Variants in RBM47 observed in about 807,000 individuals in gnomAD.
RBM47 encodes the protein RNA-binding protein 47.
Under a neutral mutation model 47.1 loss-of-function variants are expected in RBM47, and 21 were observed. The observed-to-expected ratio is 0.45, with a 90% CI of 0.32 to 0.64. The LOEUF (loss-of-function observed/expected upper bound fraction) is 0.64, where lower values mean the gene tolerates loss of function less well. Ranked by LOEUF, RBM47 falls within the 30% of genes least tolerant of loss-of-function variation. RBM47 has a pLI of 0.05. For missense variants in RBM47, 708 were observed against 870.9 expected, an observed-to-expected ratio of 0.81 and a Z score of 2.35; for synonymous variants, 375 against 361.7, an observed-to-expected ratio of 1.04 and a Z score of -0.42.
chr4:40,552,032 T>C (rs1729611435), intron 1 of RBM47, among the ~76,000 whole-genome samples: 1 of 152,144 alleles, frequency 6.6e-6, no homozygotes, highest in African/African-American at 2.4e-5. Flanking sequence ...TTTTCTCTTC[T>C]AGAGAGCAAT....
intron 6 of RBM47, among the ~76,000 whole-genome samples, chr4:40,428,021 T>C (rs1017100825): frequency 6.6e-6 from 1 of 152,078 alleles, no homozygotes; most frequent in African/African-American, 2.4e-5. Context: ...CGAAACCTTG[T>C]CTCTGCAAAA....
chr4:40,552,882 C>G (rs764652411), intron 1 of RBM47, among the ~76,000 whole-genome samples: 34 of 152,242 alleles, frequency 2.2e-4, no homozygotes, highest in Non-Finnish European at 2.9e-4. Flanking sequence ...ACACCACCCC[C>G]CATCCTAGCT....
In RBM47 at chr4:40,438,605, T is replaced by C. The variant is rs776407058; in HGVS notation, c.289A>G (p.Ile97Val). 4 of 1,613,738 alleles carry C rather than the reference T, an allele frequency of 2.5e-6. No homozygotes were observed. The highest frequency in any genetic ancestry group is 1.1e-5 in the South Asian group (1 of 91,092). ...LVPVFEAVGR[I>V]YELRLMMDFD... Reference sequence around the variant, plus strand: ...TCCATCATGAGGCGCAGCTCGTAGATGCGGCCCACGGCCTCGAACACGGGC... The same window carrying C: ...TCCATCATGAGGCGCAGCTCGTAGACGCGGCCCACGGCCTCGAACACGGGC... The change falls in exon 4 of 7, where the codon ATC becomes GTC. Residue 97 changes from isoleucine (I) to valine (V), a missense_variant. By Grantham distance (29) the Ile-to-Val change is conservative. Coordinates refer to ENST00000295971, the MANE Select transcript of RBM47 (RefSeq NM_001098634.2).
intron 1 of RBM47, among the ~76,000 whole-genome samples, chr4:40,604,103 TAACC>T (rs1735520138): frequency 6.6e-6 from 1 of 152,218 alleles, no homozygotes; most frequent in Non-Finnish European, 1.5e-5. Context: ...CCTTTGGCCC[TAACC>T]AACCATTTAT....
chr4:40,481,322 G>A (rs1720355439), intron 2 of RBM47, among the ~76,000 whole-genome samples: 2 of 148,992 alleles, frequency 1.3e-5, no homozygotes, highest in South Asian at 2.1e-4. Context: ...ACCCAGGCTG[G>A]AGTGCAGCGG....
At chr4:40,520,555 T>G (rs1577872643) in intron 2 of RBM47, among the ~76,000 whole-genome samples, 1 of 152,212 alleles carries the variant, frequency 6.6e-6, no homozygotes, top group East Asian at 1.9e-4. Flanking sequence ...CTGAAAGGGG[T>G]TTTGAGCTCC....
Position 40,438,342 on chromosome 4 carries a change from G to C in RBM47, c.552C>G (p.Tyr184Ter). 1 of 1,610,668 alleles carries C rather than the reference G, an allele frequency of 6.2e-7. No individual in the cohort carries two copies. The highest frequency in any genetic ancestry group is 2.2e-5 in the East Asian group (1 of 44,876). Residue 184 changes from tyrosine (Y) to a stop codon, truncating the protein, a stop_gained, in exon 4 of 7, where the codon TAC becomes TAG. Transcript: ENST00000295971. LOFTEE classifies it high-confidence loss of function. The stretch of plus-strand genomic sequence containing the variant: ...TCTTCATCTTGTCGGCCGCGCTGGC[G>C]TAGACGATCACGTCCAGCACGCCCT... ...VTEGVLDVIV[Y>*]ASAADKMKNR...
At chr4:40,432,919 T>C in intron 5 of RBM47, 57 bp from the exon 6 acceptor site, 2 of 1,570,982 alleles carry the variant, frequency 1.3e-6, no homozygotes, top group Non-Finnish European at 1.7e-6. Context: ...CTGAGTGGGG[T>C]CCAGCACTTG....
intron 1 of RBM47, among the ~76,000 whole-genome samples, chr4:40,545,348 G>T (rs978090108): frequency 6.8e-6 from 1 of 146,470 alleles, no homozygotes; most frequent in Admixed American, 6.8e-5. Context: ...ACGGCGCCCG[G>T]CCTGAGATCC....
At chr4:40,630,701 T>A (rs575757006), upstream of RBM47, 1 of 152,296 alleles carries the variant, frequency 6.6e-6, no homozygotes, top group African/African-American at 2.4e-5. Context: ...TCTGGGGAGT[T>A]GGCTCGAACC....
chr4:40,454,594 T>A (rs1715948325), intron 3 of RBM47, among the ~76,000 whole-genome samples: 1 of 152,066 alleles, frequency 6.6e-6, no homozygotes, highest in African/African-American at 2.4e-5. Flanking sequence ...GCCTCCTGGG[T>A]TCAAGCGAAT....
intron 1 of RBM47, among the ~76,000 whole-genome samples, chr4:40,557,560 C>A (rs924226227): frequency 1.2e-4 from 18 of 152,052 alleles, no homozygotes; most frequent in Non-Finnish European, 2.2e-4. Flanking sequence ...ACCAGCCTGG[C>A]CAACATGGTG....
chr4:40,614,919 A>C (rs1184180948), intron 1 of RBM47, among the ~76,000 whole-genome samples: 1 of 152,110 alleles, frequency 6.6e-6, no homozygotes, highest in Admixed American at 6.6e-5. Context: ...TACACATGTC[A>C]AATGAGGATA....
chr4:40,601,432 TG>T (rs1168433832), intron 1 of RBM47, among the ~76,000 whole-genome samples: 1 of 152,186 alleles, frequency 6.6e-6, no homozygotes, highest in Non-Finnish European at 1.5e-5. Flanking sequence ...AAAAACATGC[TG>T]GATCATTCCA....
At chr4:40,460,530 C>T (rs1044299554) in intron 3 of RBM47, among the ~76,000 whole-genome samples, 2 of 152,180 alleles carry the variant, frequency 1.3e-5, no homozygotes, top group Non-Finnish European at 2.9e-5. Context: ...TGGGAATAGA[C>T]CGGGTGTGGT....
chr4:40,538,571 C>T (rs771124383), intron 2 of RBM47, among the ~76,000 whole-genome samples: 2 of 151,786 alleles, frequency 1.3e-5, no homozygotes, highest in Non-Finnish European at 2.9e-5. Context: ...GTGATCTGCC[C>T]GCCTTGGCCT....
At chr4:40,611,884 T>TTA (rs1045055856) in intron 1 of RBM47, among the ~76,000 whole-genome samples, 10 of 152,148 alleles carry the variant, frequency 6.6e-5, no homozygotes, top group African/African-American at 1.7e-4. Flanking sequence ...ATATCATTGA[T>TTA]TATATATATA....
At chr4:40,449,595 A>G (rs1244364452) in intron 3 of RBM47, among the ~76,000 whole-genome samples, 1 of 152,204 alleles carries the variant, frequency 6.6e-6, no homozygotes, top group Non-Finnish European at 1.5e-5. Flanking sequence ...AGACGGCTGA[A>G]GCCACCCTCC....
chr4:40,616,291 T>G (rs1398218160), intron 1 of RBM47, among the ~76,000 whole-genome samples: 1 of 150,808 alleles, frequency 6.6e-6, no homozygotes, highest in South Asian at 2.1e-4. Flanking sequence ...GAGGCGGAGC[T>G]TGCAGTGAGC....
Sources: allele counts gnomAD v4.1 joint callset (sites outside exome capture counted in the v4.1 genomes callset), GRCh38; gene constraint gnomAD v4.1.1; transcripts MANE v1.5; gene names NCBI Gene and HGNC (gene_info 2026-07-23, HGNC 2026-07-21).